Variants in PLXDC2 observed in about 807,000 individuals in gnomAD.
The protein encoded by PLXDC2 is plexin domain containing 2.
PLXDC2 carries 40 observed loss-of-function variants against 68.9 expected under a neutral mutation model. The ratio of observed to expected loss-of-function variants is 0.58; its 90% CI spans 0.45 to 0.76. The LOEUF (loss-of-function observed/expected upper bound fraction) is 0.76. PLXDC2 is among the 30% of genes least tolerant of loss of function. PLXDC2 has a pLI of 0.00. For synonymous variants in PLXDC2, 243 were observed against 234.2 expected, an observed-to-expected ratio of 1.04 and a Z score of -0.34; for missense variants, 644 against 661.9, an observed-to-expected ratio of 0.97 and a Z score of 0.30.
intron 1 of PLXDC2, among the ~76,000 whole-genome samples, chr10:19,987,361 G>T: frequency 6.6e-6 from 1 of 151,964 alleles, no homozygotes. Flanking sequence ...TTAAAAGTTT[G>T]TCTAGATTTT....
intron 6 of PLXDC2, among the ~76,000 whole-genome samples, chr10:20,156,094 C>G (rs11011832): frequency 6.6e-6 from 1 of 151,970 alleles, no homozygotes; most frequent in Non-Finnish European, 1.5e-5. Context: ...CCTTAATCTC[C>G]TTTCTTTTCC....
chr10:20,230,608 G>GCTGCAGTGA (rs1835348128), intron 12 of PLXDC2, among the ~76,000 whole-genome samples: 1 of 144,682 alleles, frequency 6.9e-6, no homozygotes, highest in Non-Finnish European at 1.5e-5. Flanking sequence ...GGAGGTCCAG[G>GCTGCAGTGA]CTGCAGTGAG....
intron 4 of PLXDC2, among the ~76,000 whole-genome samples, chr10:20,121,034 T>G (rs1833690404): frequency 6.6e-6 from 1 of 152,064 alleles, no homozygotes; most frequent in Non-Finnish European, 1.5e-5. Flanking sequence ...GTATCAGGAA[T>G]AATGTGGGAG....
At chr10:20,097,888 A>G (rs929118935) in intron 4 of PLXDC2, among the ~76,000 whole-genome samples, 19 of 149,144 alleles carry the variant, frequency 1.3e-4, no homozygotes, top group African/African-American at 7.3e-5. Context: ...TTATGTTTAT[A>G]TAGTATTAAG....
At chr10:19,918,493 G>A (rs930854208) in intron 1 of PLXDC2, among the ~76,000 whole-genome samples, 2 of 152,162 alleles carry the variant, frequency 1.3e-5, no homozygotes, top group Non-Finnish European at 2.9e-5. Flanking sequence ...ATCATGAGCT[G>A]ACCGATCTTT....
chr10:20,263,639 C>A (rs1190458494), intron 13 of PLXDC2, among the ~76,000 whole-genome samples: 1 of 151,892 alleles, frequency 6.6e-6, no homozygotes, highest in Admixed American at 6.6e-5. Context: ...AAACAAACAA[C>A]CTCATTAAAA....
intron 1 of PLXDC2, among the ~76,000 whole-genome samples, chr10:19,893,389 ATAAAG>A (rs1838000989): frequency 6.6e-6 from 1 of 152,228 alleles, no homozygotes; most frequent in African/African-American, 2.4e-5. Flanking sequence ...ACCGCTTATA[ATAAAG>A]TAGTCTGTGG....
intron 4 of PLXDC2, among the ~76,000 whole-genome samples, chr10:20,102,066 G>A (rs1388233208): frequency 6.6e-6 from 1 of 152,072 alleles, no homozygotes. Flanking sequence ...CTATCAAAGT[G>A]CTTAGATTAC....
intron 2 of PLXDC2, among the ~76,000 whole-genome samples, chr10:20,037,420 T>A (rs944868333): frequency 2.0e-5 from 3 of 152,130 alleles, no homozygotes; most frequent in Non-Finnish European, 2.9e-5. Flanking sequence ...GCAGGTTTGT[T>A]ACATATATAT....
intron 1 of PLXDC2, among the ~76,000 whole-genome samples, chr10:19,871,255 C>T (rs979847242): frequency 2.0e-5 from 3 of 152,142 alleles, no homozygotes; most frequent in East Asian, 1.9e-4. Flanking sequence ...TTCACATATA[C>T]GGCAAAGGAA....
At chr10:20,106,906 A>G (rs1378560215) in intron 4 of PLXDC2, among the ~76,000 whole-genome samples, 1 of 151,604 alleles carries the variant, frequency 6.6e-6, no homozygotes, top group Non-Finnish European at 1.5e-5. Context: ...TATTACATGT[A>G]GTATAAAGGA....
At chr10:20,096,847 A>G (rs1395381457) in intron 4 of PLXDC2, among the ~76,000 whole-genome samples, 1 of 152,170 alleles carries the variant, frequency 6.6e-6, no homozygotes, top group Non-Finnish European at 1.5e-5. Context: ...AATTGGTGCT[A>G]TGAAATTATT....
intron 1 of PLXDC2, among the ~76,000 whole-genome samples, chr10:19,906,968 G>A (rs1432240228): frequency 2.0e-5 from 3 of 152,108 alleles, no homozygotes; most frequent in Admixed American, 6.6e-5. Context: ...ACCTATTAGA[G>A]GGTTCTGATA....
chr10:20,087,577 A>G (rs1380562860), intron 4 of PLXDC2, among the ~76,000 whole-genome samples: 2 of 152,206 alleles, frequency 1.3e-5, no homozygotes, highest in South Asian at 4.1e-4. Context: ...GCTTCTAACC[A>G]TATGGAATTT....
At chr10:20,067,059 AATAAT>A (rs1461109857) in intron 3 of PLXDC2, among the ~76,000 whole-genome samples, 2 of 152,156 alleles carry the variant, frequency 1.3e-5, no homozygotes, top group African/African-American at 4.8e-5. Context: ...CTTGCCTGAT[AATAAT>A]ATATCTACTT....
intron 3 of PLXDC2, 135 bp downstream of exon 3, chr10:20,047,150 A>T: frequency 1.2e-6 from 1 of 800,184 alleles, no homozygotes. Flanking sequence ...TCGCTTTTCA[A>T]GTGTATTCAG....
chr10:19,977,791 A>G (rs1372993780), intron 1 of PLXDC2, among the ~76,000 whole-genome samples: 2 of 151,990 alleles, frequency 1.3e-5, no homozygotes, highest in African/African-American at 4.8e-5. Context: ...TAAGGGCACT[A>G]ATTCCATCAT....
At chr10:20,223,656 A>C (rs935833261) in intron 12 of PLXDC2, among the ~76,000 whole-genome samples, 3 of 152,056 alleles carry the variant, frequency 2.0e-5, no homozygotes, top group Non-Finnish European at 4.4e-5. Context: ...TGCCACAATA[A>C]GCTATTTTAC....
chr10:19,956,656 G>A (rs1479713635), intron 1 of PLXDC2, among the ~76,000 whole-genome samples: 1 of 152,192 alleles, frequency 6.6e-6, no homozygotes, highest in African/African-American at 2.4e-5. Flanking sequence ...GACAAAAGGA[G>A]AGATGGAATA....
Sources: allele counts gnomAD v4.1 joint callset (sites outside exome capture counted in the v4.1 genomes callset), GRCh38; gene constraint gnomAD v4.1.1; transcripts MANE v1.5; gene names NCBI Gene and HGNC (gene_info 2026-07-23, HGNC 2026-07-21).